SAE1: variants seen among roughly 807,000 people sequenced by gnomAD.
SAE1 encodes the protein SUMO1 activating enzyme subunit 1, also known as SUMO-activating enzyme subunit 1.
In SAE1, 11 loss-of-function variants were observed where a neutral mutation model predicts 40.6. The ratio of observed to expected loss-of-function variants is 0.27; its 90% CI spans 0.17 to 0.45. The LOEUF (loss-of-function observed/expected upper bound fraction) is 0.45, where lower values mean the gene tolerates loss of function less well. SAE1 is among the 20% of genes least tolerant of loss of function. The pLI is 1.00. For missense variants in SAE1, 373 were observed against 427.3 expected (o/e 0.87, Z 1.12); for synonymous variants, 155 against 154.3 (o/e 1.00, Z -0.03).
rs142477356 is a variant in SAE1, at chr19:47,196,041, G to T, written c.734-1192G>T. 6.0e-3 allele frequency among the ~76,000 whole-genome samples: 888 copies of T among 147,636 alleles called. 3 individuals are homozygous for T. Among genetic ancestry groups the T allele is most frequent in the Non-Finnish European group, 9.3e-3 (625 of 67,086 alleles). On this transcript the variant is annotated intron_variant, in intron 6 of 8. Transcript: ENST00000270225. ...GTGCCATCACACTCTGCCTCTTCCG[G>T]GTCTTTTTTTTTTTTTTTTTCCCAG...
intron 1 of SAE1, among the ~76,000 whole-genome samples, chr19:47,140,623 CAAAA>C (rs202068723): frequency 8.4e-6 from 1 of 119,100 alleles, no homozygotes; most frequent in African/African-American, 3.5e-5. Context: ...CCTGTGTCTA[CAAAA>C]AAAAAAAAAA....
At chr19:47,177,453 G>C (rs2058476828) in intron 6 of SAE1, among the ~76,000 whole-genome samples, 1 of 152,104 alleles carries the variant, frequency 6.6e-6, no homozygotes, top group Non-Finnish European at 1.5e-5. Context: ...TGAACTCCTG[G>C]GCTCAAGTTA....
Position 47,209,412 on chromosome 19 carries a change from TC to T in SAE1, c.*164del, listed in dbSNP as rs2058702334. On this transcript the variant is annotated 3_prime_UTR_variant, in exon 9 of 9. Coordinates refer to ENST00000270225, the MANE Select transcript of SAE1 (RefSeq NM_005500.3). ...AAGGAGGTGGTGCCGACGTGCTGCT[TC>T]CCATCACCAGCAGCTGCTCGACAAG... 7 of 1,247,720 alleles carry T rather than the reference TC, an allele frequency of 5.6e-6. No homozygotes were observed. Among genetic ancestry groups the T allele is most frequent in the South Asian group, 2.9e-5 (2 of 70,166 alleles). 77.3% of individuals were successfully genotyped at this position (1,247,720 alleles called of 1,614,324 possible). A position where few individuals can be genotyped will look rare whatever the true frequency, so the allele number is the denominator to read the frequency against.
At chr19:47,169,257 G>T (rs1263629063) in intron 5 of SAE1, among the ~76,000 whole-genome samples, 2 of 151,964 alleles carry the variant, frequency 1.3e-5, no homozygotes, top group Non-Finnish European at 2.9e-5. Context: ...TTTTGTTTTG[G>T]TTTTTTTGAG....
intron 6 of SAE1, among the ~76,000 whole-genome samples, chr19:47,194,679 G>A (rs569381888): frequency 3.3e-5 from 5 of 151,996 alleles, no homozygotes; most frequent in South Asian, 4.2e-4. Flanking sequence ...ATGCCTGCCC[G>A]CCCGCAGGCA....
At chr19:47,157,173 T>G (rs2058329504) in intron 5 of SAE1, among the ~76,000 whole-genome samples, 1 of 152,170 alleles carries the variant, frequency 6.6e-6, no homozygotes, top group African/African-American at 2.4e-5. Flanking sequence ...GTTGGAGTAG[T>G]TTGGTGCTGT....
At chr19:47,196,333 C>CTTTTTTTTTTTTT (rs61498882) in intron 6 of SAE1, among the ~76,000 whole-genome samples, 5 of 27,888 alleles carry the variant, frequency 1.8e-4, no homozygotes, top group Non-Finnish European at 2.2e-4. Flanking sequence ...CCGCGCCTGG[C>CTTTTTTTTTTTTT]TTTTTTTTTT....
chr19:47,163,735 A>G (rs2058372831), intron 5 of SAE1, among the ~76,000 whole-genome samples: 2 of 152,122 alleles, frequency 1.3e-5, no homozygotes, highest in Non-Finnish European at 2.9e-5. Context: ...TCAAAAATAA[A>G]TAAATAAATA....
At chr19:47,143,325 G>C (rs1210548555) in intron 1 of SAE1, among the ~76,000 whole-genome samples, 169 bp from the exon 2 acceptor site, 1 of 152,034 alleles carries the variant, frequency 6.6e-6, no homozygotes, top group Non-Finnish European at 1.5e-5. Flanking sequence ...GGCTGGTCTC[G>C]AACTCCTGAC....
intron 5 of SAE1, among the ~76,000 whole-genome samples, chr19:47,167,234 G>A (rs1233128755): frequency 1.3e-5 from 2 of 151,700 alleles, no homozygotes; most frequent in Non-Finnish European, 2.9e-5. Flanking sequence ...GATTACAGGT[G>A]TGAGCCACCA....
intron 1 of SAE1, among the ~76,000 whole-genome samples, chr19:47,134,126 G>T (rs181558579): frequency 6.6e-6 from 1 of 152,238 alleles, no homozygotes; most frequent in East Asian, 1.9e-4. Context: ...CTCCCAAAGT[G>T]CTGGGATTAC....
intron 5 of SAE1, among the ~76,000 whole-genome samples, chr19:47,156,198 G>A (rs557121059): frequency 2.6e-5 from 4 of 151,708 alleles, no homozygotes; most frequent in Non-Finnish European, 4.4e-5. Context: ...TTGAGCCTGG[G>A]AGGTGGAGGC....
intron 6 of SAE1, among the ~76,000 whole-genome samples, chr19:47,195,515 C>T (rs1211991989): frequency 2.0e-5 from 3 of 152,086 alleles, no homozygotes; most frequent in Admixed American, 1.3e-4. Context: ...AGATAGTTTT[C>T]ATAGTAAAGG....
chr19:47,144,177 T>C (rs1421378104), intron 2 of SAE1, among the ~76,000 whole-genome samples: 2 of 151,852 alleles, frequency 1.3e-5, no homozygotes, highest in Admixed American at 6.6e-5. Flanking sequence ...GTACTCAGTA[T>C]ACAAAAATTA....
intron 6 of SAE1, among the ~76,000 whole-genome samples, chr19:47,185,321 T>C (rs2123286122): frequency 6.6e-6 from 1 of 152,190 alleles, no homozygotes; most frequent in Non-Finnish European, 1.5e-5. Flanking sequence ...TGTTTACTTA[T>C]TTTTGAGACA....
intron 5 of SAE1, among the ~76,000 whole-genome samples, chr19:47,165,281 G>A (rs1466033177): frequency 1.4e-5 from 2 of 147,482 alleles, no homozygotes; most frequent in Non-Finnish European, 3.0e-5. Flanking sequence ...GTGGAGACGG[G>A]GTTTCACCAT....
chr19:47,136,266 G>A (rs1232459167), intron 1 of SAE1, among the ~76,000 whole-genome samples: 2 of 151,666 alleles, frequency 1.3e-5, no homozygotes, highest in African/African-American at 4.9e-5. Context: ...AGCCTCCCAA[G>A]TAGCTGAGAT....
At chr19:47,178,917 GGC>G (rs1396749508) in intron 6 of SAE1, among the ~76,000 whole-genome samples, 1 of 152,148 alleles carries the variant, frequency 6.6e-6, no homozygotes, top group Admixed American at 6.6e-5. Flanking sequence ...AATCTCACCT[GGC>G]GCGGTGGCTT....
At chr19:47,185,881 C>T (rs992720994) in intron 6 of SAE1, among the ~76,000 whole-genome samples, 10 of 150,434 alleles carry the variant, frequency 6.6e-5, no homozygotes, top group Admixed American at 3.3e-4. Context: ...GGATTACAGG[C>T]ATGAGCCACC....
Sources: allele counts gnomAD v4.1 joint callset (sites outside exome capture counted in the v4.1 genomes callset), GRCh38; gene constraint gnomAD v4.1.1; transcripts MANE v1.5; gene names NCBI Gene and HGNC (gene_info 2026-07-23, HGNC 2026-07-21).